The following SNTG1 variants were observed in gnomAD, a reference collection of about 807,000 sequenced individuals.
The protein encoded by SNTG1 is gamma-1-syntrophin.
Under a neutral mutation model 74.7 loss-of-function variants are expected in SNTG1, and 39 were observed. That is an observed-to-expected ratio of 0.52 (90% confidence interval 0.40 to 0.68). SNTG1 has a LOEUF of 0.68. SNTG1 is among the 30% of genes least tolerant of loss of function. The probability of loss-of-function intolerance (pLI) is 0.00; values close to 1 mark genes in which losing one functional copy is unlikely to be tolerated. For missense variants in SNTG1, 685 were observed against 609.5 expected, an observed-to-expected ratio of 1.12 and a Z score of -1.30; for synonymous variants, 254 against 217.1, an observed-to-expected ratio of 1.17 and a Z score of -1.49.
At chr8:50,518,548 G>T (rs377156995) in intron 9 of SNTG1, among the ~76,000 whole-genome samples, 1 of 151,960 alleles carries the variant, frequency 6.6e-6, no homozygotes, top group Non-Finnish European at 1.5e-5. Flanking sequence ...TAACATAATA[G>T]ACCACTATCC....
intron 13 of SNTG1, among the ~76,000 whole-genome samples, chr8:50,653,221 C>T (rs1585969320): frequency 6.6e-6 from 1 of 151,910 alleles, no homozygotes; most frequent in Non-Finnish European, 1.5e-5. Context: ...AGACGATCAG[C>T]TCGCTTGAGG....
chr8:50,436,394 T>C (rs2093303413), intron 4 of SNTG1, among the ~76,000 whole-genome samples: 1 of 152,148 alleles, frequency 6.6e-6, no homozygotes, highest in Non-Finnish European at 1.5e-5. Flanking sequence ...TTCTATGATG[T>C]AAATATATTA....
chr8:50,648,062 C>A (rs1305645619), intron 13 of SNTG1, among the ~76,000 whole-genome samples: 1 of 152,020 alleles, frequency 6.6e-6, no homozygotes, highest in African/African-American at 2.4e-5. Flanking sequence ...CATCTGAGAC[C>A]AATTGAAAAG....
chr8:50,420,026 A>T (rs1405011050), intron 4 of SNTG1, among the ~76,000 whole-genome samples: 3 of 152,104 alleles, frequency 2.0e-5, no homozygotes, highest in African/African-American at 7.2e-5. Flanking sequence ...GAAGTGTCTC[A>T]GGGACCCATG....
At chr8:49,938,567 C>G (rs902727067) in intron 1 of SNTG1, among the ~76,000 whole-genome samples, 2 of 28,898 alleles carry the variant, frequency 6.9e-5, no homozygotes, top group Admixed American at 9.2e-4. Context: ...GTTTTCTTTT[C>G]TTTTCTTTTC....
chr8:49,940,769 G>A (rs1808613771), intron 1 of SNTG1, among the ~76,000 whole-genome samples: 1 of 152,074 alleles, frequency 6.6e-6, no homozygotes, highest in South Asian at 2.1e-4. Flanking sequence ...ATTAAACACA[G>A]AAATATTGAA....
At chr8:50,353,149 G>A (rs902931431) in intron 2 of SNTG1, among the ~76,000 whole-genome samples, 2 of 151,218 alleles carry the variant, frequency 1.3e-5, no homozygotes, top group Non-Finnish European at 2.9e-5. Context: ...GCAAACTATC[G>A]CAAGGACAAA....
rs150668359 is a variant in SNTG1, at chr8:50,597,318, C to T, written c.849+6401C>T. On this transcript the variant is annotated intron_variant, in intron 13 of 18. Coordinates refer to ENST00000642720, the MANE Select transcript of SNTG1 (RefSeq NM_018967.5). ...ACACACATATATATACATATATACA[C>T]GTATATATACACATATATATACATA... is the stretch of plus-strand genomic sequence containing the variant. 8.7e-5 allele frequency among the ~76,000 whole-genome samples: 13 copies of T among 148,946 alleles called. No individual in the cohort carries two copies. The South Asian group carries it at 1.5e-3, about 17-fold the overall frequency.
chr8:50,129,446 A>G lies in SNTG1; in HGVS notation c.-102-43115A>G, dbSNP rs1203374757. ...AGCACCCTCAGAGGACCCCAAATATAATTCATAAAAAACATCAGTCTTCCT... is the reference window on the plus strand; with the variant it reads ...AGCACCCTCAGAGGACCCCAAATATGATTCATAAAAAACATCAGTCTTCCT... On this transcript the variant is annotated intron_variant, in intron 1 of 18. Coordinates refer to ENST00000642720, the MANE Select transcript of SNTG1 (RefSeq NM_018967.5). Among the ~76,000 whole-genome samples, 3 of 152,092 alleles carry G rather than the reference A, an allele frequency of 2.0e-5. No homozygotes were observed. The East Asian group carries it at 5.8e-4, about 29-fold the overall frequency.
chr8:50,648,169 A>G (rs543139670), intron 13 of SNTG1, among the ~76,000 whole-genome samples: 1 of 152,224 alleles, frequency 6.6e-6, no homozygotes, highest in African/African-American at 2.4e-5. Context: ...TGATAATCCC[A>G]TTTTTATTAG....
chr8:50,123,107 C>T (rs746449336), intron 1 of SNTG1, among the ~76,000 whole-genome samples: 2 of 141,938 alleles, frequency 1.4e-5, no homozygotes, highest in Admixed American at 7.2e-5. Flanking sequence ...GCATTTGAGA[C>T]ATCTAAGATT....
chr8:50,721,189 G>A (rs2095486792), intron 17 of SNTG1, among the ~76,000 whole-genome samples: 1 of 152,188 alleles, frequency 6.6e-6, no homozygotes, highest in Admixed American at 6.5e-5. Context: ...ATTTGAAAGT[G>A]AATTTATTCA....
At chr8:50,046,251 A>C (rs1563517879) in intron 1 of SNTG1, among the ~76,000 whole-genome samples, 1 of 152,150 alleles carries the variant, frequency 6.6e-6, no homozygotes, top group Admixed American at 6.6e-5. Context: ...CCAGGACTGG[A>C]GTTTTCTGAT....
chr8:50,533,416 A>G (rs1020173866), intron 10 of SNTG1, among the ~76,000 whole-genome samples: 1 of 152,230 alleles, frequency 6.6e-6, no homozygotes, highest in Non-Finnish European at 1.5e-5. Flanking sequence ...GCAAGGAGAC[A>G]TAATTGCTGC....
chr8:50,209,065 G>C (rs1221897420), intron 2 of SNTG1, among the ~76,000 whole-genome samples: 1 of 152,172 alleles, frequency 6.6e-6, no homozygotes, highest in East Asian at 1.9e-4. Flanking sequence ...TGGCACATCA[G>C]GAGATTATAT....
intron 1 of SNTG1, among the ~76,000 whole-genome samples, chr8:50,106,845 A>G (rs1401441913): frequency 6.6e-6 from 1 of 152,156 alleles, no homozygotes; most frequent in African/African-American, 2.4e-5. Flanking sequence ...TCAATTCTAT[A>G]TTTTAGCAAG....
At chr8:50,026,700 CGTGT>C (rs145360652) in intron 1 of SNTG1, among the ~76,000 whole-genome samples, 3 of 149,858 alleles carry the variant, frequency 2.0e-5, no homozygotes, top group South Asian at 2.1e-4. Context: ...TTTGTGTGTA[CGTGT>C]GTGTGTGTGT....
intron 8 of SNTG1, among the ~76,000 whole-genome samples, chr8:50,463,033 TC>T (rs1454242435): frequency 6.6e-6 from 1 of 152,086 alleles, no homozygotes; most frequent in Non-Finnish European, 1.5e-5. Context: ...GCCAGGCTGG[TC>T]TTGAACTCCT....
chr8:50,455,139 T>C (rs576933315), intron 8 of SNTG1, among the ~76,000 whole-genome samples: 2 of 152,328 alleles, frequency 1.3e-5, no homozygotes, highest in South Asian at 2.1e-4. Context: ...GATTTAACTA[T>C]AGCAGAAAAG....
Sources: allele counts gnomAD v4.1 joint callset (sites outside exome capture counted in the v4.1 genomes callset), GRCh38; gene constraint gnomAD v4.1.1; transcripts MANE v1.5; gene names NCBI Gene and HGNC (gene_info 2026-07-23, HGNC 2026-07-21).